The following GJA3 variants were observed in gnomAD, a reference collection of about 807,000 sequenced individuals.
GJA3 encodes gap junction protein alpha 3, also known as gap junction alpha-3 protein.
For missense variants in GJA3, 571 were observed against 620.3 expected, an observed-to-expected ratio of 0.92 and a Z score of 0.84; for synonymous variants, 297 against 292.6, an observed-to-expected ratio of 1.02 and a Z score of -0.15.
At chr13:20,154,809 G>T (rs1343357888) in intron 1 of GJA3, among the ~76,000 whole-genome samples, 3 of 151,960 alleles carry the variant, frequency 2.0e-5, no homozygotes, top group Non-Finnish European at 2.9e-5. Flanking sequence ...TGATTTTTTA[G>T]ATGTTAATCA....
Position 20,142,160 on chromosome 13 carries a change from C to T in GJA3, c.1129G>A (p.Gly377Arg), listed in dbSNP as rs1175170243. 1 of 1,520,048 alleles carries T rather than the reference C, an allele frequency of 6.6e-7. No individual in the cohort carries two copies. 94.2% of individuals were successfully genotyped at this position (1,520,048 alleles called of 1,614,324 possible). ...EAGAAPLLLD[G>R]SGSSLEGSAL... ...CTCCCCTCCAGACTGCTGCCGCTCC[C>T]ATCCAGCAGCAGGGGCGCCGCGCCC... Residue 377 changes from glycine (G) to arginine (R), a missense_variant, in exon 2 of 2, where the codon GGG (glycine) becomes AGG (arginine). Physicochemically the swap from Gly to Arg is moderately radical, Grantham distance 125 (BLOSUM62 -2). Coordinates refer to ENST00000241125, the MANE Select transcript of GJA3 (RefSeq NM_021954.4).
upstream of GJA3, among the ~76,000 whole-genome samples, chr13:20,161,495 A>G (rs754208642): frequency 9.2e-5 from 14 of 151,948 alleles, no homozygotes; most frequent in Admixed American, 2.0e-4. Flanking sequence ...CCACGGTCGG[A>G]GGCGCGTGGG....
rs1958794334 is a variant in GJA3 at position 20,139,341 on chromosome 13, A to C, written c.*2640T>G. On this transcript the variant is annotated 3_prime_UTR_variant, in exon 2 of 2. Transcript: ENST00000241125. ...AGAGATTTTTTAAAACTTTCTAATG[A>C]ATCAAGAACAAAATAGTTTCAGTGA... 1 of 152,176 alleles carries C rather than the reference A, an allele frequency of 6.6e-6. No homozygotes were observed. Among genetic ancestry groups the C allele is most frequent in the Admixed American group, 6.5e-5 (1 of 15,282 alleles). 9.4% of individuals were successfully genotyped at this position (152,176 alleles called of 1,614,324 possible). A position where few individuals can be genotyped will look rare whatever the true frequency, so the allele number is the denominator to read the frequency against.
intron 1 of GJA3, among the ~76,000 whole-genome samples, chr13:20,148,760 G>A (rs1274651388): frequency 1.3e-5 from 2 of 152,208 alleles, no homozygotes; most frequent in African/African-American, 2.4e-5. Context: ...GGAAAAGACG[G>A]GCTTTCGCTC....
At chr13:20,147,219 G>A (rs763838688) in intron 1 of GJA3, among the ~76,000 whole-genome samples, 1 of 152,244 alleles carries the variant, frequency 6.6e-6, no homozygotes, top group South Asian at 2.1e-4. Flanking sequence ...GGTTAAGAGA[G>A]TCGTAGGTCA....
Position 20,160,874 on chromosome 13 carries a change from G to C in GJA3, c.-18+16C>G, listed in dbSNP as rs1958932929. The stretch of plus-strand genomic sequence containing the variant: ...GGCCCCTGTGCCTGGCCTCCGGGGC[G>C]CCCGGCCCGCCTTACCCCGCTCTGC... On this transcript the variant is annotated intron_variant, in intron 1 of 1. Coordinates refer to ENST00000241125, the MANE Select transcript of GJA3 (RefSeq NM_021954.4). 6.7e-6 allele frequency: 1 copy of C among 149,992 alleles called. No homozygotes were observed. Among genetic ancestry groups the C allele is most frequent in the African/African-American group, 2.5e-5 (1 of 40,718 alleles). The allele number at this position is 149,992 out of a possible 1,614,324, so 9.3% of individuals were successfully genotyped here.
At chr13:20,161,400 C>G (rs1451498590), upstream of GJA3, among the ~76,000 whole-genome samples, 1 of 152,102 alleles carries the variant, frequency 6.6e-6, no homozygotes, top group Admixed American at 6.5e-5. Flanking sequence ...GGGCGCCCAC[C>G]GCACGCAGAT....
At chr13:20,153,275 C>T (rs1289433105) in intron 1 of GJA3, among the ~76,000 whole-genome samples, 1 of 152,114 alleles carries the variant, frequency 6.6e-6, no homozygotes, top group Non-Finnish European at 1.5e-5. Context: ...ACTGTTCAAG[C>T]AAGAGGAAAA....
chr13:20,152,283 C>T (rs1958882839), intron 1 of GJA3, among the ~76,000 whole-genome samples: 1 of 140,422 alleles, frequency 7.1e-6, no homozygotes, highest in African/African-American at 2.7e-5. Context: ...AGCTGATCAC[C>T]ACCAAGTGCA....
intron 1 of GJA3, among the ~76,000 whole-genome samples, chr13:20,143,760 A>G (rs931891962): frequency 2.0e-5 from 3 of 152,120 alleles, no homozygotes; most frequent in Non-Finnish European, 4.4e-5. Context: ...CTCTTCTACT[A>G]TTTGCTTTTT....
chr13:20,156,125 ATTTCT>A (rs1470235539), intron 1 of GJA3, among the ~76,000 whole-genome samples: 1 of 152,064 alleles, frequency 6.6e-6, no homozygotes, highest in Non-Finnish European at 1.5e-5. Context: ...TATTATTATT[ATTTCT>A]TTTATTTTCT....
chr13:20,151,692 G>T (rs7318803), intron 1 of GJA3, among the ~76,000 whole-genome samples: 11,666 of 152,118 alleles, frequency 0.077, 924 homozygotes, highest in African/African-American at 0.2. Context: ...GGACGGCGAG[G>T]ATGGATTACT....
intron 1 of GJA3, among the ~76,000 whole-genome samples, chr13:20,152,821 T>C (rs768880247): frequency 1.3e-5 from 2 of 152,240 alleles, no homozygotes; most frequent in Non-Finnish European, 2.9e-5. Flanking sequence ...GGGTCACAAG[T>C]AGGCTTACCC....
chr13:20,156,965 C>T (rs139443674), intron 1 of GJA3, among the ~76,000 whole-genome samples: 478 of 152,292 alleles, frequency 3.1e-3, no homozygotes, highest in African/African-American at 0.011. Context: ...CCCAGTGGAG[C>T]CCTCTGGTTT....
intron 1 of GJA3, among the ~76,000 whole-genome samples, chr13:20,150,401 G>C (rs901257122): frequency 2.7e-5 from 4 of 147,654 alleles, no homozygotes; most frequent in African/African-American, 9.9e-5. Context: ...GTGTGTGTGT[G>C]AAGGTGGTCT....
At chr13:20,148,325 C>G (rs1010750689) in intron 1 of GJA3, among the ~76,000 whole-genome samples, 6 of 137,978 alleles carry the variant, frequency 4.3e-5, no homozygotes, top group Non-Finnish European at 9.1e-5. Flanking sequence ...TGGCACGGAT[C>G]ATAGCTCACT....
At chr13:20,151,762 C>T (rs1410372154) in intron 1 of GJA3, among the ~76,000 whole-genome samples, 3 of 152,028 alleles carry the variant, frequency 2.0e-5, no homozygotes, top group Admixed American at 1.3e-4. Context: ...GAAGAGAACC[C>T]GGGCTCTCAC....
intron 1 of GJA3, among the ~76,000 whole-genome samples, chr13:20,148,697 T>G (rs1958858532): frequency 6.6e-6 from 1 of 152,242 alleles, no homozygotes; most frequent in South Asian, 2.1e-4. Context: ...TGACAGAGGC[T>G]GAGGTCAGGC....
chr13:20,158,651 C>T (rs1699249529), intron 1 of GJA3, among the ~76,000 whole-genome samples: 1 of 151,722 alleles, frequency 6.6e-6, no homozygotes, highest in South Asian at 2.1e-4. Flanking sequence ...GTGGCTCACG[C>T]CTGTAATTCC....
Sources: gnomAD v4.1 joint callset for allele counts (sites outside exome capture counted in the v4.1 genomes callset) on GRCh38, gnomAD v4.1.1 for gene constraint, MANE v1.5 for transcripts, NCBI Gene and HGNC (gene_info 2026-07-23, HGNC 2026-07-21) for gene names.